Variants in DKK3 observed in about 807,000 individuals in gnomAD.
DKK3 encodes the protein dickkopf-related protein 3.
DKK3 carries 22 observed loss-of-function variants against 33.2 expected under a neutral mutation model. The ratio of observed to expected loss-of-function variants is 0.66; its 90% CI spans 0.47 to 0.95. DKK3 has a LOEUF of 0.95. Among genes scored for constraint, DKK3 ranks in the 40% least tolerant of loss-of-function variants. The pLI is 0.00. For missense variants in DKK3, 398 were observed against 458.4 expected (o/e 0.87, Z 1.20); for synonymous variants, 194 against 188.8 (o/e 1.03, Z -0.23).
chr11:11,964,377 A>G lies in DKK3; in HGVS notation c.*87T>C, dbSNP rs1644940388. 6.7e-7 allele frequency: 1 copy of G among 1,498,108 alleles called. No individual in the cohort carries two copies. The allele number at this position is 1,498,108 out of a possible 1,614,324, so 92.8% of individuals were successfully genotyped here. ...TTACTGGGAAGAAGATGTAGGAAGAAGCCTGGTCAGCCCACGCCTAAAGCA... is the reference window on the plus strand; with the variant it reads ...TTACTGGGAAGAAGATGTAGGAAGAGGCCTGGTCAGCCCACGCCTAAAGCA... On this transcript the variant is annotated 3_prime_UTR_variant, in exon 7 of 7. Coordinates refer to ENST00000683431, the MANE Select transcript of DKK3 (RefSeq NM_001018057.2).
chr11:11,981,081 G>A lies in DKK3; in HGVS notation c.436-12594C>T, dbSNP rs542728512. On this transcript the variant is annotated intron_variant, in intron 3 of 6. Coordinates refer to ENST00000683431, the MANE Select transcript of DKK3 (RefSeq NM_001018057.2). ...AGCATGCCCAGCCCTCAATCATACC[G>A]TCCTCATCCTAGCAGAGCACTTGGC... Among the ~76,000 whole-genome samples, 8 of 152,320 alleles carry A rather than the reference G, an allele frequency of 5.3e-5. No individual in the cohort carries two copies. In the East Asian group the frequency reaches 5.8e-4, roughly 11 times the overall value.
At chr11:11,998,669 G>A (rs749866242) in intron 3 of DKK3, 27 bp downstream of exon 3, 3 of 1,591,404 alleles carry the variant, frequency 1.9e-6, no homozygotes, top group Non-Finnish European at 2.6e-6. Flanking sequence ...GTGTCGGGGT[G>A]CAAGTACAGG....
chr11:12,001,915 C>G (rs1047202362), intron 2 of DKK3: 4 of 159,560 alleles, frequency 2.5e-5, no homozygotes, highest in Non-Finnish European at 4.1e-5. Flanking sequence ...AACGTGGTCT[C>G]TAGTTCAATC....
intron 6 of DKK3, among the ~76,000 whole-genome samples, chr11:11,964,891 G>T (rs974596141): frequency 1.3e-5 from 2 of 152,110 alleles, no homozygotes; most frequent in Non-Finnish European, 2.9e-5. Context: ...ATGTGCTGGT[G>T]GGGGGCAGCT....
intron 3 of DKK3, among the ~76,000 whole-genome samples, chr11:11,988,842 A>G (rs1198672766): frequency 6.6e-6 from 1 of 152,208 alleles, no homozygotes; most frequent in African/African-American, 2.4e-5. Flanking sequence ...TTGGCTACAG[A>G]CCAGGGTGAG....
intron 3 of DKK3, among the ~76,000 whole-genome samples, chr11:11,974,095 C>T (rs1847781838): frequency 1.3e-5 from 2 of 152,244 alleles, no homozygotes; most frequent in Non-Finnish European, 2.9e-5. Flanking sequence ...AAGCTCCTCT[C>T]AAGCCCATGG....
chr11:11,998,881 TC>T, intron 2 of DKK3, 102 bp from the exon 3 acceptor site: 1 of 1,124,872 alleles, frequency 8.9e-7, no homozygotes, highest in Non-Finnish European at 1.3e-6. Flanking sequence ...AGCAGGAGCA[TC>T]CAGTATAGGA....
chr11:11,984,720 T>C (rs1242094574), intron 3 of DKK3, among the ~76,000 whole-genome samples: 1 of 151,310 alleles, frequency 6.6e-6, no homozygotes, highest in East Asian at 1.9e-4. Flanking sequence ...AACCAGTTTG[T>C]TTTCCCCTGG....
intron 3 of DKK3, among the ~76,000 whole-genome samples, chr11:11,991,226 C>T (rs12295750): frequency 0.034 from 5,185 of 152,234 alleles, 124 homozygotes; most frequent in African/African-American, 0.071. Context: ...TCAAGGCCAC[C>T]GCCTAGAAAA....
upstream of DKK3, chr11:12,008,664 G>GCCGCCCCGCCCCGTT: frequency 1.8e-6 from 2 of 1,100,872 alleles, no homozygotes; most frequent in African/African-American, 2.0e-5. This position sits in a 1 kb window ranked among gnomAD's most constrained non-coding sequence, Gnocchi z 4.6. Context: ...CGCTGGGCCC[G>GCCGCCCCGCCCCGTT]CCGCCCCGCC....
Position 11,967,857 on chromosome 11 carries a change from T to C in DKK3, c.528+538A>G, listed in dbSNP as rs1412328062. Among the ~76,000 whole-genome samples the C allele has an allele frequency of 2.0e-5, 3 of 152,266 alleles. No individual in the cohort carries two copies. In the East Asian group the frequency reaches 5.8e-4, roughly 29 times the overall value. On this transcript the variant is annotated intron_variant, in intron 4 of 6. Transcript: ENST00000683431. ...CTCTTCTTGCCCTGTCCCTCTGCCC[T>C]CTCTTATTGGCAGATTGGAGAAAGA... is the stretch of plus-strand genomic sequence containing the variant.
chr11:11,992,400 C>G (rs1286246199), intron 3 of DKK3, among the ~76,000 whole-genome samples: 2 of 152,214 alleles, frequency 1.3e-5, no homozygotes, highest in Admixed American at 6.5e-5. Flanking sequence ...ACCACCCCCT[C>G]TGAAGTGCTG....
chr11:11,972,762 G>A (rs1847750289), intron 3 of DKK3, among the ~76,000 whole-genome samples: 1 of 152,236 alleles, frequency 6.6e-6, no homozygotes. Context: ...TGTGCTCAAG[G>A]GTTCTGTCCA....
At chr11:11,997,966 C>T (rs1275794774) in intron 3 of DKK3, among the ~76,000 whole-genome samples, 1 of 152,174 alleles carries the variant, frequency 6.6e-6, no homozygotes, top group African/African-American at 2.4e-5. Flanking sequence ...AAAAAAGGCA[C>T]ACTTTCCCTA....
intron 3 of DKK3, among the ~76,000 whole-genome samples, chr11:11,993,575 C>T (rs1240847502): frequency 1.3e-5 from 2 of 152,104 alleles, no homozygotes; most frequent in South Asian, 2.1e-4. Context: ...ATAAAAATTG[C>T]TCACCCACAT....
intron 3 of DKK3, among the ~76,000 whole-genome samples, chr11:11,976,328 AG>A (rs1189191001): frequency 6.6e-6 from 1 of 152,222 alleles, no homozygotes. Context: ...AACAAGGACA[AG>A]GAGGCTGCAC....
chr11:11,986,021 A>C (rs979989255), intron 3 of DKK3, among the ~76,000 whole-genome samples: 3 of 152,146 alleles, frequency 2.0e-5, no homozygotes, highest in Non-Finnish European at 4.4e-5. Context: ...AAAGGCTACT[A>C]GGAATCTCCT....
intron 3 of DKK3, chr11:11,979,835 C>G (rs1847918527): frequency 6.6e-6 from 1 of 152,268 alleles, no homozygotes; most frequent in Admixed American, 6.5e-5. Context: ...GTTCAGAAAG[C>G]TGCTCCAGCC....
Position 11,981,806 on chromosome 11 carries a change from AC to A in DKK3, c.436-13320del, listed in dbSNP as rs772727435. Among the ~76,000 whole-genome samples the A allele has an allele frequency of 4.7e-4, 72 of 152,090 alleles. 1 individual carries two copies. The highest frequency in any genetic ancestry group is 5.7e-4 in the Non-Finnish European group (39 of 67,984). ...CAGCAACTTTTCCATCTCTACTTTG[AC>A]CCTGCCTGGCCTTGGCTAGGACCCC... On this transcript the variant is annotated intron_variant, in intron 3 of 6. Transcript: ENST00000683431.
Sources: allele counts gnomAD v4.1 joint callset (sites outside exome capture counted in the v4.1 genomes callset), GRCh38; gene constraint gnomAD v4.1.1; non-coding constraint Gnocchi (gnomAD v3.1); transcripts MANE v1.5; gene names NCBI Gene and HGNC (gene_info 2026-07-23, HGNC 2026-07-21).